RBFOX1: variants seen among roughly 807,000 people sequenced by gnomAD.
RBFOX1 encodes RNA binding protein fox-1 homolog 1.
In RBFOX1, 8 loss-of-function variants were observed where a neutral mutation model predicts 57.7. The ratio of observed to expected loss-of-function variants is 0.14; its 90% CI spans 0.08 to 0.25. The LOEUF (loss-of-function observed/expected upper bound fraction) is 0.25, where lower values mean the gene tolerates loss of function less well. Ranked by LOEUF, RBFOX1 falls within the 10% of genes least tolerant of loss-of-function variation. RBFOX1 has a pLI of 1.00. For missense variants in RBFOX1, 611 were observed against 548.5 expected (o/e 1.11, Z -1.14); for synonymous variants, 326 against 222.4 (o/e 1.47, Z -4.15).
chr16:5,953,494 C>T (rs768310951), intron 4 of RBFOX1, among the ~76,000 whole-genome samples: 1 of 151,948 alleles, frequency 6.6e-6, no homozygotes, highest in Non-Finnish European at 1.5e-5. Flanking sequence ...CACCTCCTTC[C>T]CACCCTTTCC....
At chr16:6,660,855 G>A (rs1346649816) in intron 3 of RBFOX1, among the ~76,000 whole-genome samples, 2 of 152,106 alleles carry the variant, frequency 1.3e-5, no homozygotes, top group African/African-American at 4.8e-5. Context: ...AAGTGTTAGG[G>A]GATCTCAGGG....
intron 4 of RBFOX1, among the ~76,000 whole-genome samples, chr16:7,228,558 A>C (rs1386960912): frequency 1.3e-5 from 2 of 152,186 alleles, no homozygotes; most frequent in Admixed American, 1.3e-4. Context: ...AAAACCAGAG[A>C]AGTGAAGGAA....
intron 4 of RBFOX1, among the ~76,000 whole-genome samples, chr16:7,073,964 T>A (rs1216731949): frequency 2.6e-5 from 4 of 152,210 alleles, no homozygotes; most frequent in African/African-American, 9.6e-5. Context: ...CAGCTCCCTG[T>A]TTCTGTAAAT....
intron 2 of RBFOX1, among the ~76,000 whole-genome samples, chr16:6,381,033 T>G (rs1414428997): frequency 1.3e-5 from 2 of 152,154 alleles, no homozygotes; most frequent in African/African-American, 4.8e-5. Flanking sequence ...GGAAGTATTT[T>G]AGGGGGCAGG....
At chr16:5,476,013 T>C (rs2069308851) in intron 2 of RBFOX1, among the ~76,000 whole-genome samples, 1 of 152,054 alleles carries the variant, frequency 6.6e-6, no homozygotes, top group Non-Finnish European at 1.5e-5. Flanking sequence ...CTTTGAAAAA[T>C]GTATTTATAC....
rs1446141747 is a variant in RBFOX1, at chr16:7,711,004, A to G, written c.*259A>G. 1 of 355,848 alleles carries G rather than the reference A, an allele frequency of 2.8e-6. No individual in the cohort carries two copies. The highest frequency in any genetic ancestry group is 4.9e-6 in the Non-Finnish European group (1 of 204,652). 22.0% of individuals were successfully genotyped at this position (355,848 alleles called of 1,614,324 possible). Reference sequence around the variant, plus strand: ...AGGAGTTTTTGTGGTTGATCTAGACAGATGCTAGATAATGAATAAAAACTG... The same window carrying G: ...AGGAGTTTTTGTGGTTGATCTAGACGGATGCTAGATAATGAATAAAAACTG... On this transcript the variant is annotated 3_prime_UTR_variant, in exon 16 of 16. Coordinates refer to ENST00000550418, the MANE Select transcript of RBFOX1 (RefSeq NM_018723.4).
In RBFOX1 at chr16:6,891,099, A is replaced by G. The variant is rs569528480; in HGVS notation, c.-15-160958A>G. Among the ~76,000 whole-genome samples the G allele has an allele frequency of 1.7e-4, 26 of 152,288 alleles. 1 individual carries two copies. In the South Asian group the frequency reaches 3.7e-3, roughly 22 times the overall value. On this transcript the variant is annotated intron_variant, in intron 3 of 15. Transcript: ENST00000550418. The stretch of plus-strand genomic sequence containing the variant: ...TTTGTTGACACCAGGCGTTCTTCCA[A>G]TATCCATCCATTCATTCATTAGTGA...
At chr16:7,170,317 G>T (rs1362117155) in intron 4 of RBFOX1, among the ~76,000 whole-genome samples, 1 of 152,120 alleles carries the variant, frequency 6.6e-6, no homozygotes, top group Non-Finnish European at 1.5e-5. Flanking sequence ...CTGTCTTTCA[G>T]ACTGGAGTGC....
At chr16:7,259,418 T>C (rs1287746143) in intron 4 of RBFOX1, among the ~76,000 whole-genome samples, 10 of 152,144 alleles carry the variant, frequency 6.6e-5, no homozygotes, top group Admixed American at 4.6e-4. Flanking sequence ...ACTTTTTTTT[T>C]AATGAGTGAG....
At chr16:7,162,866 G>T (rs574820876) in intron 4 of RBFOX1, among the ~76,000 whole-genome samples, 4 of 152,204 alleles carry the variant, frequency 2.6e-5, no homozygotes, top group African/African-American at 9.6e-5. Flanking sequence ...TGGAGAAGCA[G>T]TGTGGGGTAT....
chr16:6,598,339 A>G (rs1236607935), intron 2 of RBFOX1, among the ~76,000 whole-genome samples: 4 of 152,182 alleles, frequency 2.6e-5, no homozygotes, highest in Admixed American at 2.0e-4. Flanking sequence ...TATATTATGT[A>G]TGGACCTGAT....
At chr16:7,687,102 G>C (rs570510783) in intron 14 of RBFOX1, among the ~76,000 whole-genome samples, 1 of 152,152 alleles carries the variant, frequency 6.6e-6, no homozygotes, top group African/African-American at 2.4e-5. Context: ...TAGGACCTTT[G>C]AGAGCTTTCT....
At chr16:6,999,041 G>A (rs1341079707) in intron 3 of RBFOX1, among the ~76,000 whole-genome samples, 7 of 151,132 alleles carry the variant, frequency 4.6e-5, no homozygotes, top group Admixed American at 2.6e-4. Context: ...GCTAATTTTT[G>A]TATTATTAGT....
At position 6,674,864 on chromosome 16, in the gene RBFOX1, A is replaced by T. The variant is rs561941889; in HGVS notation, c.-16+20214A>T. Among the ~76,000 whole-genome samples the T allele has an allele frequency of 2.0e-3, 300 of 152,208 alleles. 1 individual carries two copies. Among genetic ancestry groups the T allele is most frequent in the Non-Finnish European group, 2.7e-3 (186 of 68,000 alleles). ...CTTCTAGCTTCCAGAACTGGGAGAG[A>T]ATAAATTACTGTTGTGTTTTTTGTT... On this transcript the variant is annotated intron_variant, in intron 3 of 15. Transcript: ENST00000550418.
chr16:5,618,334 TTTTTTTTG>T (rs1428340969), intron 3 of RBFOX1, among the ~76,000 whole-genome samples: 2 of 99,018 alleles, frequency 2.0e-5, no homozygotes, highest in Non-Finnish European at 4.8e-5. Context: ...TGCAGATTTT[TTTTTTTTG>T]TGTGTGTGTG....
intron 2 of RBFOX1, among the ~76,000 whole-genome samples, chr16:6,333,271 C>T (rs1332634455): frequency 6.6e-6 from 1 of 152,150 alleles, no homozygotes. Flanking sequence ...TCTTGAATTC[C>T]TGAGCTCAGG....
intron 4 of RBFOX1, among the ~76,000 whole-genome samples, chr16:7,277,607 A>G (rs1483748682): frequency 6.6e-6 from 1 of 152,144 alleles, no homozygotes; most frequent in Admixed American, 6.5e-5. Flanking sequence ...TTTAAGTCTG[A>G]AAGCTCATTA....
chr16:7,190,645 C>T (rs572111168), intron 4 of RBFOX1, among the ~76,000 whole-genome samples: 2 of 152,238 alleles, frequency 1.3e-5, no homozygotes, highest in African/African-American at 4.8e-5. Flanking sequence ...ACTCAGAAAC[C>T]AGTACCACAT....
intron 3 of RBFOX1, among the ~76,000 whole-genome samples, chr16:5,608,750 C>T (rs1214300531): frequency 1.3e-5 from 2 of 152,204 alleles, no homozygotes; most frequent in Non-Finnish European, 2.9e-5. Context: ...ACTCTCCCTC[C>T]CATCCCCTAT....
Sources: gnomAD v4.1 joint callset for allele counts (sites outside exome capture counted in the v4.1 genomes callset) on GRCh38, gnomAD v4.1.1 for gene constraint, MANE v1.5 for transcripts, NCBI Gene and HGNC (gene_info 2026-07-23, HGNC 2026-07-21) for gene names.